The following JAM2 variants were observed in gnomAD, a reference collection of about 807,000 sequenced individuals.
JAM2 encodes the protein junctional adhesion molecule B.
A neutral mutation model predicts 42.0 loss-of-function variants in JAM2; 17 were observed. The ratio of observed to expected loss-of-function variants is 0.40; its 90% confidence interval spans 0.28 to 0.61. The LOEUF (loss-of-function observed/expected upper bound fraction) is 0.61, where lower values mean the gene tolerates loss of function less well. Among genes scored for constraint, JAM2 ranks in the 20% least tolerant of loss-of-function variants. JAM2 has a pLI of 0.37. For missense variants in JAM2, 319 were observed against 358.3 expected (o/e 0.89, Z 0.89); for synonymous variants, 118 against 128.6 (o/e 0.92, Z 0.56).
intron 1 of JAM2, among the ~76,000 whole-genome samples, chr21:25,665,589 C>T (rs1281143233): frequency 6.6e-6 from 1 of 152,090 alleles, no homozygotes; most frequent in African/African-American, 2.4e-5. Context: ...AAGCTACAGA[C>T]CCAGGAATTG....
intron 1 of JAM2, among the ~76,000 whole-genome samples, chr21:25,654,780 G>T (rs1179819751): frequency 3.3e-5 from 5 of 152,070 alleles, no homozygotes; most frequent in African/African-American, 1.2e-4. Context: ...ATTACAGAAG[G>T]ATAGATGCAC....
intron 1 of JAM2, among the ~76,000 whole-genome samples, chr21:25,676,310 G>GAAA (rs57407708): frequency 8.3e-6 from 1 of 121,140 alleles, no homozygotes. Context: ...AAAAGAAAAA[G>GAAA]AAAAAAAAAA....
intron 1 of JAM2, among the ~76,000 whole-genome samples, chr21:25,677,852 T>C (rs902703307): frequency 6.6e-6 from 1 of 152,152 alleles, no homozygotes; most frequent in African/African-American, 2.4e-5. Flanking sequence ...ATTCACACAG[T>C]GTTAAAGGAG....
chr21:25,666,014 C>A (rs554272774), intron 1 of JAM2, among the ~76,000 whole-genome samples: 1 of 151,722 alleles, frequency 6.6e-6, no homozygotes, highest in Non-Finnish European at 1.5e-5. Context: ...CACTCCAGCC[C>A]GGGTGATAGA....
intron 4 of JAM2, among the ~76,000 whole-genome samples, chr21:25,697,078 C>T (rs1445969888): frequency 2.0e-5 from 3 of 150,200 alleles, no homozygotes; most frequent in Non-Finnish European, 3.0e-5. Flanking sequence ...CTCCCGTCCT[C>T]AAGAGATCCT....
chr21:25,695,769 A>G (rs1471346797), intron 4 of JAM2, among the ~76,000 whole-genome samples: 1 of 132,384 alleles, frequency 7.6e-6, no homozygotes, highest in Non-Finnish European at 1.6e-5. Context: ...CCGGGCAGAG[A>G]CGCTCCTCAC....
At chr21:25,668,677 T>A (rs1374203801) in intron 1 of JAM2, among the ~76,000 whole-genome samples, 1 of 152,198 alleles carries the variant, frequency 6.6e-6, no homozygotes, top group Non-Finnish European at 1.5e-5. Context: ...GTGATAGGCA[T>A]TTGGATCTGA....
At chr21:25,657,222 C>A (rs1229591767) in intron 1 of JAM2, among the ~76,000 whole-genome samples, 1 of 151,922 alleles carries the variant, frequency 6.6e-6, no homozygotes, top group Non-Finnish European at 1.5e-5. Context: ...CTATGTTGTC[C>A]AGGTTGGTCT....
At chr21:25,668,054 A>G (rs60439113) in intron 1 of JAM2, among the ~76,000 whole-genome samples, 2,846 of 152,214 alleles carry the variant, frequency 0.019, 91 homozygotes, top group African/African-American at 0.066. Context: ...GAGTTAATAG[A>G]CATCTAAAGG....
chr21:25,642,148 C>A (rs946701383), intron 1 of JAM2, among the ~76,000 whole-genome samples: 1 of 151,878 alleles, frequency 6.6e-6, no homozygotes, highest in Non-Finnish European at 1.5e-5. Context: ...ATTACCTACC[C>A]TTTTTTCTTC....
At chr21:25,681,540 A>G (rs145543509) in intron 1 of JAM2, among the ~76,000 whole-genome samples, 10,477 of 152,238 alleles carry the variant, frequency 0.069, 489 homozygotes, top group Non-Finnish European at 0.1. Context: ...CCCACAACAC[A>G]TGGGGATTAT....
At chr21:25,701,451 T>C (rs2034163785) in intron 5 of JAM2, among the ~76,000 whole-genome samples, 1 of 150,534 alleles carries the variant, frequency 6.6e-6, no homozygotes, top group Admixed American at 6.6e-5. Flanking sequence ...CTCCCTCTCT[T>C]CTTTCTTTTC....
At position 25,649,557 on chromosome 21, in the gene JAM2, A is replaced by G. The variant is rs1251790710; in HGVS notation, c.67+9669A>G. The stretch of plus-strand genomic sequence containing the variant: ...ATTATGGGAACTACAATTCAAGATG[A>G]GATTTGGGTGGCGACACAACCAAAC... On this transcript the variant is annotated intron_variant, in intron 1 of 9. Transcript: ENST00000480456. Among the ~76,000 whole-genome samples the G allele has an allele frequency of 5.9e-5, 9 of 152,286 alleles. No homozygotes were observed. In the South Asian group the frequency reaches 1.0e-3, roughly 18 times the overall value.
At chr21:25,676,335 C>T (rs1024603270) in intron 1 of JAM2, among the ~76,000 whole-genome samples, 5 of 137,408 alleles carry the variant, frequency 3.6e-5, no homozygotes, top group African/African-American at 1.3e-4. Context: ...ACTTATGTAA[C>T]ACTTCTCCAG....
intron 2 of JAM2, among the ~76,000 whole-genome samples, chr21:25,684,508 C>A (rs11087971): frequency 6.6e-6 from 1 of 151,974 alleles, no homozygotes; most frequent in African/African-American, 2.4e-5. Flanking sequence ...GTGAATTTTA[C>A]GTTTATTTTG....
intron 1 of JAM2, among the ~76,000 whole-genome samples, chr21:25,676,407 T>A (rs1024312461): frequency 1.3e-5 from 2 of 152,138 alleles, no homozygotes; most frequent in Non-Finnish European, 2.9e-5. Context: ...ATAGTAATTT[T>A]AAAATTGTCA....
chr21:25,673,635 C>T (rs1472755374), intron 1 of JAM2, among the ~76,000 whole-genome samples: 1 of 152,180 alleles, frequency 6.6e-6, no homozygotes, highest in Non-Finnish European at 1.5e-5. Context: ...ATGTCTGGAG[C>T]TACTTTCTCA....
Position 25,639,749 on chromosome 21 carries a change from G to C in JAM2, c.-73G>C. The stretch of plus-strand genomic sequence containing the variant: ...CCTTTCCCGCCCCAGAAGTTCAAGG[G>C]CCCCCGGCCTCCTGCGCTCCTGCCG... On this transcript the variant is annotated 5_prime_UTR_variant, in exon 1 of 10. Transcript: ENST00000480456. 1 of 989,128 alleles carries C rather than the reference G, an allele frequency of 1.0e-6. No homozygotes were observed. Among genetic ancestry groups the C allele is most frequent in the Admixed American group, 2.2e-5 (1 of 44,888 alleles). 61.3% of individuals were successfully genotyped at this position (989,128 alleles called of 1,614,324 possible).
intron 2 of JAM2, among the ~76,000 whole-genome samples, chr21:25,687,120 A>G (rs192370283): frequency 1.1e-4 from 17 of 152,316 alleles, no homozygotes; most frequent in Admixed American, 1.1e-3. Flanking sequence ...TTGTGATGGT[A>G]TAAAGTATAT....
Sources: gnomAD v4.1 joint callset for allele counts (sites outside exome capture counted in the v4.1 genomes callset) on GRCh38, gnomAD v4.1.1 for gene constraint, MANE v1.5 for transcripts, NCBI Gene and HGNC (gene_info 2026-07-23, HGNC 2026-07-21) for gene names.